The following SYTL5 variants were observed in gnomAD, a reference collection of about 807,000 sequenced individuals.
The protein encoded by SYTL5 is synaptotagmin like 5, also known as synaptotagmin-like protein 5.
A neutral mutation model predicts 55.9 loss-of-function variants in SYTL5; 34 were observed. The ratio of observed to expected loss-of-function variants is 0.61; its 90% CI spans 0.46 to 0.81. SYTL5 has a LOEUF of 0.81. Ranked by LOEUF, SYTL5 falls within the 30% of genes least tolerant of loss-of-function variation. The probability of loss-of-function intolerance (pLI) is 0.00; values close to 1 mark genes in which losing one functional copy is unlikely to be tolerated. For missense variants in SYTL5, 637 were observed against 546.7 expected, an observed-to-expected ratio of 1.17 and a Z score of -1.65; for synonymous variants, 221 against 188.7, an observed-to-expected ratio of 1.17 and a Z score of -1.40.
chrX:38,019,568 C>T (rs1375213272), intron 1 of SYTL5, among the ~76,000 whole-genome samples: 1 of 111,993 alleles, frequency 8.9e-6, no homozygotes, highest in Non-Finnish European at 1.9e-5. Context: ...GAAAACAGAA[C>T]CTATGCATTC....
At chrX:37,917,259 T>A in the SYTL5 span, among the ~76,000 whole-genome samples, 3 of 112,030 alleles carry the variant, frequency 2.7e-5, no homozygotes, top group Non-Finnish European at 5.6e-5. Context: ...ATTTAAGGAA[T>A]CAGGAATTAT....
chrX:38,009,968 C>T (rs779947066), intron 1 of SYTL5, among the ~76,000 whole-genome samples: 1 of 112,023 alleles, frequency 8.9e-6, no homozygotes, highest in South Asian at 3.8e-4. Context: ...AACTCAGTAG[C>T]AGAGACCAAA....
At chrX:37,913,785 G>A in the SYTL5 span, among the ~76,000 whole-genome samples, 13 of 112,048 alleles carry the variant, frequency 1.2e-4, no homozygotes, top group South Asian at 3.7e-4. Flanking sequence ...GTAGGATTAC[G>A]CCCTAGTTGT....
the SYTL5 span, among the ~76,000 whole-genome samples, chrX:37,926,925 A>G: frequency 8.9e-6 from 1 of 112,055 alleles, no homozygotes; most frequent in African/African-American, 3.2e-5. Context: ...TTATAGAGAC[A>G]GATCTACCAC....
In SYTL5 at chrX:38,067,777, A is replaced by C. The variant is rs199740029; in HGVS notation, c.330-4270A>C. On this transcript the variant is annotated intron_variant, in intron 3 of 16. Transcript: ENST00000297875. ...TAGACCCCTATTTTTCACTATATAC[A>C]AAAATTAACTCAAGATTGATTAAAT... Among the ~76,000 whole-genome samples the C allele has an allele frequency of 4.5e-5, 5 of 112,341 alleles. No individual in the cohort carries two copies. In the East Asian group the frequency reaches 1.1e-3, roughly 25 times the overall value.
Position 38,110,362 on chromosome X carries a change from G to A in SYTL5, c.1476G>A (p.Gln492=). 1 of 1,207,659 alleles carries A rather than the reference G, an allele frequency of 8.3e-7. No individual in the cohort carries two copies. Among genetic ancestry groups the A allele is most frequent in the South Asian group, 1.8e-5 (1 of 56,172 alleles). Residue 492 remains glutamine, a synonymous_variant, in exon 13 of 17, where the codon CAG becomes CAA. Coordinates refer to ENST00000297875, the MANE Select transcript of SYTL5 (RefSeq NM_138780.3). ...SHTQLETRTL[Q]LSVWHYDRFG... ...CCCAGCTGGAAACAAGAACTCTGCA[G>A]CTCTCAGTCTGGCACTATGATCGAT...
chrX:38,023,437 A>G (rs1420408408), intron 1 of SYTL5, among the ~76,000 whole-genome samples: 1 of 111,704 alleles, frequency 9.0e-6, no homozygotes, highest in Non-Finnish European at 1.9e-5. Context: ...TCTGACCCCT[A>G]ACAATCCAAC....
chrX:37,975,952 A>C, the SYTL5 span, among the ~76,000 whole-genome samples: 1 of 111,693 alleles, frequency 9.0e-6, no homozygotes, highest in Non-Finnish European at 1.9e-5. Flanking sequence ...AGTGCATAGT[A>C]GTGGGTACTA....
the SYTL5 span, among the ~76,000 whole-genome samples, chrX:37,960,766 TTTTATTTATTTATTTATTTA>T: frequency 1.2e-5 from 1 of 80,827 alleles, no homozygotes; most frequent in African/African-American, 4.7e-5. Flanking sequence ...TCCAGATTAT[TTTTATTTATTTATTTATTTA>T]TTTATTTATT....
intron 2 of SYTL5, among the ~76,000 whole-genome samples, chrX:38,043,053 C>A (rs564380903): frequency 9.0e-6 from 1 of 111,296 alleles, no homozygotes; most frequent in Non-Finnish European, 1.9e-5. Context: ...TCTTTTATTG[C>A]AGAGTAATTA....
the SYTL5 span, among the ~76,000 whole-genome samples, chrX:37,892,563 A>G: frequency 2.1e-5 from 2 of 97,005 alleles, no homozygotes; most frequent in Non-Finnish European, 2.0e-5. Context: ...ATATACATAT[A>G]TTGTATATAC....
chrX:38,005,254 C>T (rs754988288), upstream of SYTL5, among the ~76,000 whole-genome samples: 49 of 111,043 alleles, frequency 4.4e-4, no homozygotes, highest in Middle Eastern at 4.3e-3. Context: ...ATTAATACTC[C>T]TCAGAGGGAG....
At chrX:37,939,080 A>G in the SYTL5 span, among the ~76,000 whole-genome samples, 24 of 109,832 alleles carry the variant, frequency 2.2e-4, no homozygotes, top group African/African-American at 7.6e-4. Context: ...CAACATGGAG[A>G]AACCACGTCT....
chrX:38,003,214 T>G (rs1188521648), upstream of SYTL5, among the ~76,000 whole-genome samples: 4 of 111,575 alleles, frequency 3.6e-5, no homozygotes, highest in African/African-American at 1.3e-4. Flanking sequence ...TCTGTTCTGT[T>G]CCATTGGTCT....
chrX:37,930,726 T>G, the SYTL5 span, among the ~76,000 whole-genome samples: 45 of 112,088 alleles, frequency 4.0e-4, no homozygotes, highest in South Asian at 0.017. Flanking sequence ...TTAAGTTTAT[T>G]TTCTACCCAT....
intron 2 of SYTL5, among the ~76,000 whole-genome samples, chrX:38,042,986 C>A (rs1334719948): frequency 9.1e-6 from 1 of 109,484 alleles, no homozygotes; most frequent in East Asian, 2.8e-4. Flanking sequence ...ATGGTTTAAC[C>A]AATTTAAATT....
chrX:37,939,991 C>G, the SYTL5 span, among the ~76,000 whole-genome samples: 1 of 110,053 alleles, frequency 9.1e-6, no homozygotes, highest in South Asian at 3.8e-4. Flanking sequence ...GCCACCATGC[C>G]CAGCTAATTT....
the SYTL5 span, among the ~76,000 whole-genome samples, chrX:37,957,791 A>C: frequency 4.5e-5 from 5 of 112,026 alleles, no homozygotes; most frequent in African/African-American, 1.6e-4. Context: ...GATTTTTTCT[A>C]TTTCTGTAAA....
rs778676943 is a variant in SYTL5, at chrX:38,106,638, T to C, written c.1201T>C (p.Tyr401His). ...MMSVYSETGD[Y>H]GNVKVSGEIL... is the part of the protein sequence containing the mutation. ...GAGCGTTTACAGTGAAACGGGAGAC[T>C]ATGGCAACGTGAAAGTCAGTGGTGA... The change falls in exon 11 of 17, where the codon TAT becomes CAT. Residue 401 changes from tyrosine to histidine, a missense_variant. Transcript: ENST00000297875. 25 of 1,209,581 alleles carry C rather than the reference T, an allele frequency of 2.1e-5. No individual in the cohort carries two copies. Among genetic ancestry groups the C allele is most frequent in the Non-Finnish European group, 2.8e-5 (25 of 894,512 alleles).
Sources: gnomAD v4.1 joint callset for allele counts (sites outside exome capture counted in the v4.1 genomes callset) on GRCh38, gnomAD v4.1.1 for gene constraint, MANE v1.5 for transcripts, NCBI Gene and HGNC (gene_info 2026-07-23, HGNC 2026-07-21) for gene names.